UGT2B4: variants seen among roughly 807,000 people sequenced by gnomAD.
UGT2B4 encodes UDP glucuronosyltransferase family 2 member B4.
UGT2B4 carries 49 observed loss-of-function variants against 49.8 expected under a neutral mutation model. The observed-to-expected ratio is 0.98, with a 90% CI of 0.78 to 1.25. The LOEUF (loss-of-function observed/expected upper bound fraction) is 1.25. Among genes scored for constraint, UGT2B4 ranks in the 50% most tolerant of loss-of-function variants. The pLI is 0.00. For missense variants in UGT2B4, 729 were observed against 627.7 expected (o/e 1.16, Z -1.73); for synonymous variants, 246 against 217.7 (o/e 1.13, Z -1.14).
chr4:69,493,702 G>A lies in UGT2B4; in HGVS notation c.861C>T (p.Pro287=). ...AACAGTAATAGTTTACCTTCGGTAG[G>A]GGTTTGGCAGGTTTGCAGTGGAGTC... is the stretch of plus-strand genomic sequence containing the variant. ...VGGLHCKPAK[P]LPKEMEEFVQ... Residue 287 remains proline, a synonymous_variant, in exon 2 of 6, where the codon CCC becomes CCT. Coordinates refer to ENST00000305107, the MANE Select transcript of UGT2B4 (RefSeq NM_021139.3). The A allele has an allele frequency of 1.2e-6, 2 of 1,606,676 alleles. No individual in the cohort carries two copies. The highest frequency in any genetic ancestry group is 1.7e-6 in the Non-Finnish European group (2 of 1,177,612).
chr4:69,504,846 G>A (rs1453588574), intron 1 of UGT2B4, among the ~76,000 whole-genome samples: 1 of 151,954 alleles, frequency 6.6e-6, no homozygotes, highest in Non-Finnish European at 1.5e-5. Context: ...GTTACAGAAA[G>A]ATAGTGAGAA....
chr4:69,516,220 A>G (rs1728729602), intron 1 of UGT2B4, among the ~76,000 whole-genome samples: 1 of 152,224 alleles, frequency 6.6e-6, no homozygotes. Context: ...TATATGTACT[A>G]CATTTTCTTT....
At chr4:69,515,080 T>G (rs1379122603) in intron 1 of UGT2B4, among the ~76,000 whole-genome samples, 1 of 152,154 alleles carries the variant, frequency 6.6e-6, no homozygotes, top group Non-Finnish European at 1.5e-5. Context: ...AGTAGGACAC[T>G]GTAACACCCT....
intron 1 of UGT2B4, among the ~76,000 whole-genome samples, chr4:69,502,876 A>G (rs1216897274): frequency 6.6e-6 from 1 of 151,990 alleles, no homozygotes; most frequent in Non-Finnish European, 1.5e-5. Context: ...GATCCCACAC[A>G]TCTCACTGCT....
chr4:69,487,386 A>C (rs1727824407), intron 3 of UGT2B4, among the ~76,000 whole-genome samples: 1 of 152,216 alleles, frequency 6.6e-6, no homozygotes, highest in Non-Finnish European at 1.5e-5. Flanking sequence ...AATGTGGTAC[A>C]TGTTCACCAT....
At chr4:69,525,707 A>G (rs1017496706) in exon 1 of UGT2B4, 6 of 1,281,084 alleles carry the variant, frequency 4.7e-6, no homozygotes, top group Admixed American at 2.3e-5. Context: ...CGTTGATGAG[A>G]CATGTAAGAG....
In UGT2B4 at chr4:69,518,659, T is replaced by A. The variant is rs182424439; in HGVS notation, c.-106+7028A>T. Among the ~76,000 whole-genome samples the A allele has an allele frequency of 2.6e-4, 40 of 152,214 alleles. 1 individual carries two copies. The highest frequency in any genetic ancestry group is 2.5e-3 in the Admixed American group (38 of 15,274). ...TTACCTAGATTGATGTTAAGAAAAA[T>A]TAAACAATAACTTTTAGAGTTAATG... is the stretch of plus-strand genomic sequence containing the variant. On this transcript the variant is annotated intron_variant, in intron 1 of 1. Coordinates refer to the UGT2B4 transcript ENST00000510114.
At position 69,485,387 on chromosome 4, in the gene UGT2B4, G is replaced by A; in HGVS notation, c.1131C>T (p.Ala377=). 1 of 1,613,840 alleles carries A rather than the reference G, an allele frequency of 6.2e-7. No individual in the cohort carries two copies. The highest frequency in any genetic ancestry group is 8.5e-7 in the Non-Finnish European group (1 of 1,179,820). The change falls in exon 5 of 6, where the codon GCC becomes GCT. Residue 377 remains alanine, a synonymous_variant. Transcript: ENST00000305107. ...KTRAFITHGG[A]NGIYEAIYHG... ...GGTAGATTGCCTCATAGATGCCATT[G>A]GCTCCACCATGAGTTATAAAAGCTC... is the stretch of plus-strand genomic sequence containing the variant.
chr4:69,490,651 CAA>C (rs1197978146), intron 2 of UGT2B4, among the ~76,000 whole-genome samples: 2 of 152,160 alleles, frequency 1.3e-5, no homozygotes, highest in East Asian at 1.9e-4. Flanking sequence ...CTCTACAAAA[CAA>C]AGAAAAAAGA....
chr4:69,511,690 A>G (rs968068984), intron 1 of UGT2B4, among the ~76,000 whole-genome samples: 1 of 152,136 alleles, frequency 6.6e-6, no homozygotes, highest in Non-Finnish European at 1.5e-5. Flanking sequence ...TCATAAAATG[A>G]GTTTGAAAGT....
Position 69,510,970 on chromosome 4 carries a change from A to T in UGT2B4, c.-106+14717T>A, listed in dbSNP as rs1180290462. ...GATAAGCTGTGGGCTTTTCATAAATACTCTTTCTTTTCTTTTCTTCTTTTT... is the reference window on the plus strand; with the variant it reads ...GATAAGCTGTGGGCTTTTCATAAATTCTCTTTCTTTTCTTTTCTTCTTTTT... On this transcript the variant is annotated intron_variant, in intron 1 of 1. Coordinates refer to the UGT2B4 transcript ENST00000510114. Among the ~76,000 whole-genome samples, 4 of 141,074 alleles carry T rather than the reference A, an allele frequency of 2.8e-5. No individual in the cohort carries two copies. The East Asian group carries it at 8.6e-4, about 30-fold the overall frequency. The allele number at this position is 141,074 out of a possible 152,430, so 92.6% of individuals were successfully genotyped here.
intron 1 of UGT2B4, among the ~76,000 whole-genome samples, chr4:69,503,942 G>A (rs759662301): frequency 1.2e-4 from 19 of 152,324 alleles, no homozygotes; most frequent in Non-Finnish European, 2.2e-4. Context: ...TGGAGTTAAA[G>A]CACGTGGTCC....
chr4:69,489,371 T>G (rs1017453514), intron 3 of UGT2B4, 68 bp downstream of exon 3: 24 of 1,584,636 alleles, frequency 1.5e-5, no homozygotes, highest in Admixed American at 8.7e-5. Context: ...TTTCTACAAT[T>G]GGGTTCTTTA....
At chr4:69,487,119 C>T (rs1577882633) in intron 3 of UGT2B4, among the ~76,000 whole-genome samples, 3 of 152,158 alleles carry the variant, frequency 2.0e-5, no homozygotes. Context: ...AAAAGAAATG[C>T]TTATACTCTG....
chr4:69,496,032 A>G, upstream of UGT2B4: 1 of 1,142,312 alleles, frequency 8.8e-7, no homozygotes, highest in Non-Finnish European at 1.2e-6. Flanking sequence ...AATAAAAGGT[A>G]GATGACCTGT....
chr4:69,500,554 A>C (rs1277672403), upstream of UGT2B4, among the ~76,000 whole-genome samples: 1 of 151,016 alleles, frequency 6.6e-6, no homozygotes, highest in African/African-American at 2.4e-5. Flanking sequence ...AAAGACAAGA[A>C]AGAAAGCAAG....
intron 1 of UGT2B4, among the ~76,000 whole-genome samples, chr4:69,520,937 T>G (rs977642162): frequency 6.6e-6 from 1 of 152,182 alleles, no homozygotes; most frequent in Non-Finnish European, 1.5e-5. Flanking sequence ...AGGCTGCTGC[T>G]GGAAGTAAGA....
upstream of UGT2B4, among the ~76,000 whole-genome samples, chr4:69,498,728 T>C (rs1020193331): frequency 6.6e-6 from 1 of 152,166 alleles, no homozygotes; most frequent in East Asian, 1.9e-4. Flanking sequence ...CTTTTATCAT[T>C]TTTTATTGTG....
At chr4:69,512,892 T>C (rs1577901837) in intron 1 of UGT2B4, among the ~76,000 whole-genome samples, 1 of 152,296 alleles carries the variant, frequency 6.6e-6, no homozygotes, top group Middle Eastern at 3.4e-3. Flanking sequence ...CTTTTGAAAG[T>C]GTATGTTCGT....
Sources: gnomAD v4.1 joint callset for allele counts (sites outside exome capture counted in the v4.1 genomes callset) on GRCh38, gnomAD v4.1.1 for gene constraint, MANE v1.5 for transcripts, NCBI Gene and HGNC (gene_info 2026-07-23, HGNC 2026-07-21) for gene names.